Variants in PCDHA9 observed in about 807,000 individuals in gnomAD.
The protein encoded by PCDHA9 is protocadherin alpha-9.
A neutral mutation model predicts 62.0 loss-of-function variants in PCDHA9; 62 were observed. The ratio of observed to expected loss-of-function variants is 1.00; its 90% CI spans 0.81 to 1.23. PCDHA9 has a LOEUF of 1.23. Ranked by LOEUF, PCDHA9 falls within the 50% of genes most tolerant of loss-of-function variation. The pLI, the probability that PCDHA9 is intolerant of heterozygous loss-of-function variation, is 0.00. For synonymous variants in PCDHA9, 557 were observed against 567.6 expected (o/e 0.98, Z 0.27); for missense variants, 1,205 against 1,249.8 (o/e 0.96, Z 0.54).
intron 1 of PCDHA9, among the ~76,000 whole-genome samples, chr5:140,900,319 C>T (rs1032725241): frequency 3.3e-5 from 5 of 152,046 alleles, no homozygotes; most frequent in Non-Finnish European, 7.3e-5. Flanking sequence ...CTTTTGTCGC[C>T]CAGGCTGGAG....
At chr5:140,966,874 A>C (rs782520756) in intron 1 of PCDHA9, 275 of 1,584,454 alleles carry the variant, frequency 1.7e-4, no homozygotes, top group Non-Finnish European at 2.3e-4. Flanking sequence ...TGCTGCTGCT[A>C]CCTGGCCCTG....
chr5:140,947,625 T>C (rs2094153389), intron 1 of PCDHA9, among the ~76,000 whole-genome samples: 1 of 151,648 alleles, frequency 6.6e-6, no homozygotes, highest in Non-Finnish European at 1.5e-5. Context: ...CAATATTGAG[T>C]CATCAGATCG....
rs552832365 is a variant in PCDHA9, at chr5:140,928,668, T to C, written c.2395-50281T>C. ...TAGCAGAGGATGCTGACAGTGGTTC[T>C]AATGCCTGGCTTTCCTACCACATCT... is the stretch of plus-strand genomic sequence containing the variant. On this transcript the variant is annotated intron_variant, in intron 1 of 3. Transcript: ENST00000532602. The C allele has an allele frequency of 2.4e-4, 388 of 1,614,234 alleles. 3 individuals are homozygous for C. The South Asian group carries it at 4.0e-3, about 17-fold the overall frequency.
intron 1 of PCDHA9, chr5:140,864,893 T>C (rs1554159192): frequency 1.3e-5 from 2 of 152,194 alleles, no homozygotes; most frequent in South Asian, 2.1e-4. Flanking sequence ...TTAAGCTGCA[T>C]GGTCTTCAGA....
intron 1 of PCDHA9, among the ~76,000 whole-genome samples, chr5:140,939,735 G>A (rs2092448026): frequency 6.6e-6 from 1 of 152,174 alleles, no homozygotes; most frequent in South Asian, 2.1e-4. Flanking sequence ...GTGTGTAGCT[G>A]TGTATCATTC....
chr5:140,978,652 C>T (rs555324579), intron 1 of PCDHA9, among the ~76,000 whole-genome samples: 2 of 152,320 alleles, frequency 1.3e-5, no homozygotes, highest in East Asian at 1.9e-4. Flanking sequence ...CTGTTCTTCC[C>T]GTAGTGTTTT....
intron 1 of PCDHA9, chr5:140,876,023 C>CA: frequency 1.9e-6 from 3 of 1,612,330 alleles, no homozygotes; most frequent in Non-Finnish European, 2.5e-6. Context: ...AAAATAAAAA[C>CA]AAAAAAAGAT....
intron 1 of PCDHA9, chr5:140,869,390 G>A: frequency 1.2e-6 from 2 of 1,614,230 alleles, no homozygotes; most frequent in Non-Finnish European, 1.7e-6. Flanking sequence ...GAGGAGCTGT[G>A]CGGGCAGAGC....
At position 140,966,247 on chromosome 5, in the gene PCDHA9, A is replaced by G. The variant is rs145363912; in HGVS notation, c.2395-12702A>G. 739 of 318,152 alleles carry G rather than the reference A, an allele frequency of 2.3e-3. 16 individuals are homozygous for G. In the Admixed American group the frequency reaches 0.033, roughly 14 times the overall value. 19.7% of individuals were successfully genotyped at this position (318,152 alleles called of 1,614,324 possible). On this transcript the variant is annotated intron_variant, in intron 1 of 3. Coordinates refer to ENST00000532602, the MANE Select transcript of PCDHA9 (RefSeq NM_031857.2). ...TCCTTAAAGACCCGTTAAGCAGGGGAGAGACGGTGGAGACTGGATGAACTG... is the reference window on the plus strand; with the variant it reads ...TCCTTAAAGACCCGTTAAGCAGGGGGGAGACGGTGGAGACTGGATGAACTG...
At chr5:140,889,054 T>C in intron 1 of PCDHA9, among the ~76,000 whole-genome samples, 1 of 152,100 alleles carries the variant, frequency 6.6e-6, no homozygotes, top group Non-Finnish European at 1.5e-5. Flanking sequence ...TTTATAATCC[T>C]TTTAATATAC....
At chr5:140,962,223 A>G (rs951247075) in intron 1 of PCDHA9, among the ~76,000 whole-genome samples, 8 of 152,160 alleles carry the variant, frequency 5.3e-5, no homozygotes, top group Admixed American at 3.9e-4. Flanking sequence ...CTTGAGGTTC[A>G]AGTTTCACTT....
chr5:140,991,413 A>G (rs2097451025), intron 3 of PCDHA9, among the ~76,000 whole-genome samples: 1 of 152,228 alleles, frequency 6.6e-6, no homozygotes, highest in South Asian at 2.1e-4. Context: ...CCATTATGCT[A>G]TAACAAATTA....
chr5:140,948,722 A>G (rs2094296449), intron 1 of PCDHA9, among the ~76,000 whole-genome samples: 1 of 151,574 alleles, frequency 6.6e-6, no homozygotes, highest in Admixed American at 6.6e-5. Context: ...TTTTTTATCA[A>G]TAAGTCTAGC....
chr5:140,961,385 T>G (rs1480607533), intron 1 of PCDHA9, among the ~76,000 whole-genome samples: 3 of 152,204 alleles, frequency 2.0e-5, no homozygotes, highest in Non-Finnish European at 4.4e-5. Flanking sequence ...GTTTGAACTA[T>G]TCCATTAGTA....
chr5:140,870,514 T>C lies in PCDHA9; in HGVS notation c.2394+19625T>C, dbSNP rs1554164347. ...CGTGAAGGAGAACAACCCACCAGGC[T>C]GCCACATCTTCACAGTGTCGGCGCG... On this transcript the variant is annotated intron_variant, in intron 1 of 3. Transcript: ENST00000532602. The C allele has an allele frequency of 3.7e-6, 6 of 1,614,224 alleles. No homozygotes were observed. In the East Asian group the frequency reaches 1.3e-4, roughly 36 times the overall value.
At chr5:140,941,319 CTTT>C (rs70988781) in intron 1 of PCDHA9, among the ~76,000 whole-genome samples, 1 of 104,392 alleles carries the variant, frequency 9.6e-6, no homozygotes. Flanking sequence ...TCTTCTTTCT[CTTT>C]TTTTTTTTTT....
At chr5:140,998,403 A>G (rs375947232) in intron 3 of PCDHA9, among the ~76,000 whole-genome samples, 5 of 152,114 alleles carry the variant, frequency 3.3e-5, no homozygotes, top group Non-Finnish European at 7.4e-5. Context: ...CTTTATGCCA[A>G]AGTTTATCTA....
At chr5:140,931,717 C>G (rs2087694120) in intron 1 of PCDHA9, among the ~76,000 whole-genome samples, 1 of 151,872 alleles carries the variant, frequency 6.6e-6, no homozygotes, top group Admixed American at 6.6e-5. Flanking sequence ...AAAATAACTT[C>G]TATAAATATG....
chr5:140,991,172 G>T (rs2097436221), intron 3 of PCDHA9, among the ~76,000 whole-genome samples: 1 of 152,160 alleles, frequency 6.6e-6, no homozygotes, highest in Non-Finnish European at 1.5e-5. Flanking sequence ...CCATTGTCAA[G>T]CAGGATGCCT....
Sources: allele counts gnomAD v4.1 joint callset (sites outside exome capture counted in the v4.1 genomes callset), GRCh38; gene constraint gnomAD v4.1.1; transcripts MANE v1.5; gene names NCBI Gene and HGNC (gene_info 2026-07-23, HGNC 2026-07-21).